The following CD302 variants were observed in gnomAD, a reference collection of about 807,000 sequenced individuals.
CD302 encodes CD302 antigen.
Under a neutral mutation model 26.5 loss-of-function variants are expected in CD302, and 23 were observed. That is an observed-to-expected ratio of 0.87 (90% CI 0.62 to 1.23). The LOEUF is 1.23. Ranked by LOEUF, CD302 falls within the 50% of genes most tolerant of loss-of-function variation. The probability of loss-of-function intolerance (pLI) is 0.00; values close to 1 mark genes in which losing one functional copy is unlikely to be tolerated. For missense variants in CD302, 290 were observed against 275.5 expected (o/e 1.05, Z -0.37); for synonymous variants, 90 against 99.4 (o/e 0.91, Z 0.56).
In CD302 at chr2:159,770,965, A is replaced by AAATG. The variant is rs1708128607; in HGVS notation, c.*882_*885dup. 1 of 152,202 alleles carries AAATG rather than the reference A, an allele frequency of 6.6e-6. No homozygotes were observed. The highest frequency in any genetic ancestry group is 2.4e-5 in the African/African-American group (1 of 41,464). The allele number at this position is 152,202 out of a possible 1,614,324, so 9.4% of individuals were successfully genotyped here. ...CAGCTTTTTCATTTTTTTACTCCCC[A>AAATG]AATGATTTTCACCTTTTTCTTAAAA... On this transcript the variant is annotated 3_prime_UTR_variant, in exon 6 of 6. Coordinates refer to ENST00000259053, the MANE Select transcript of CD302 (RefSeq NM_014880.5).
Position 159,776,012 on chromosome 2 carries a change from C to CTTTTTTTTTTTTTTTTTTTTT in CD302, c.496+1925_496+1926insAAAAAAAAAAAAAAAAAAAAA, listed in dbSNP as rs71406197. Among the ~76,000 whole-genome samples the CTTTTTTTTTTTTTTTTTTTTT allele has an allele frequency of 6.2e-5, 5 of 81,248 alleles. 1 individual carries two copies. The highest frequency in any genetic ancestry group is 7.2e-4 in the East Asian group (2 of 2,796). The allele number at this position is 81,248 out of a possible 152,430, so 53.3% of individuals were successfully genotyped here. ...TGCAGCCTCTGCCTCCGGGTTTCAA[C>CTTTTTTTTTTTTTTTTTTTTT]TTTTTTTTTTTTTTTTTTAAAGTAG... On this transcript the variant is annotated intron_variant, in intron 5 of 5. Coordinates refer to ENST00000259053, the MANE Select transcript of CD302 (RefSeq NM_014880.5).
At chr2:159,776,916 C>G (rs1223113426) in intron 5 of CD302, among the ~76,000 whole-genome samples, 1 of 152,058 alleles carries the variant, frequency 6.6e-6, no homozygotes, top group Non-Finnish European at 1.5e-5. Context: ...TTTAAAGAAA[C>G]AAAATTTGTT....
chr2:159,771,926 T>C lies in CD302; in HGVS notation c.624A>G (p.Ala208=), dbSNP rs1708159060. ...DSRFTTVFST[A]PQSPYNEDCV... is the part of the protein sequence containing the mutation. ...AGTCTTCATTATAAGGTGATTGGGG[T>C]GCGGTTGAAAAAACTGTGGTGAAAC... Residue 208 remains alanine, a synonymous_variant, in exon 6 of 6, where the codon GCA becomes GCG. Transcript: ENST00000259053. The C allele has an allele frequency of 4.3e-6, 7 of 1,613,964 alleles. No homozygotes were observed. Among genetic ancestry groups the C allele is most frequent in the East Asian group, 4.5e-5 (2 of 44,848 alleles).
intron 1 of CD302, among the ~76,000 whole-genome samples, chr2:159,784,724 C>G (rs971715288): frequency 6.6e-6 from 1 of 152,004 alleles, no homozygotes; most frequent in Non-Finnish European, 1.5e-5. Context: ...CAGAATTTAC[C>G]AATCAGCTAC....
chr2:159,797,280 A>G (rs908198702), intron 1 of CD302, among the ~76,000 whole-genome samples: 2 of 151,810 alleles, frequency 1.3e-5, no homozygotes, highest in Non-Finnish European at 2.9e-5. Flanking sequence ...TTAAGCCCAC[A>G]CAAGTACTCA....
chr2:159,772,049 G>T lies in CD302; in HGVS notation c.501C>A (p.Asn167Lys). ...TCACCAATGCTGATATTAAAATGTG[G>T]TTATCTGAAAAGGAAAAGACAAAAG... ...IPYKRKYLSD[N>K]HILISALVIA... Residue 167 changes from asparagine to lysine, a missense_variant, in exon 6 of 6, where the codon AAC becomes AAA. Physicochemically the swap from Asn to Lys is moderately conservative, Grantham distance 94 (BLOSUM62 0). Transcript: ENST00000259053. 6.2e-7 allele frequency: 1 copy of T among 1,613,694 alleles called. No homozygotes were observed. The highest frequency in any genetic ancestry group is 1.7e-5 in the Admixed American group (1 of 60,000).
chr2:159,793,141 T>C (rs1156353590), intron 1 of CD302, among the ~76,000 whole-genome samples: 5 of 152,230 alleles, frequency 3.3e-5, no homozygotes, highest in Non-Finnish European at 7.3e-5. Flanking sequence ...ATTACTCTTA[T>C]TTCTTCACAG....
chr2:159,775,016 A>G (rs1708267815), intron 5 of CD302, among the ~76,000 whole-genome samples: 2 of 152,146 alleles, frequency 1.3e-5, no homozygotes, highest in East Asian at 3.9e-4. Flanking sequence ...GGCCTTATTA[A>G]ATGAGGCCTT....
chr2:159,779,872 G>A (rs1708455332), intron 4 of CD302, 133 bp downstream of exon 4: 3 of 1,035,788 alleles, frequency 2.9e-6, no homozygotes, highest in Non-Finnish European at 4.0e-6. Context: ...CATAATGCTG[G>A]GATTGCAGGC....
rs1708386827 is a variant in CD302, at chr2:159,777,918, A to C, written c.496+20T>G. Reference sequence around the variant, plus strand: ...TATTTTTAATTGTGGGAAAAATTTAAAGACCAAATCATTACTTACCTGATA... The same window carrying C: ...TATTTTTAATTGTGGGAAAAATTTACAGACCAAATCATTACTTACCTGATA... On this transcript the variant is annotated intron_variant, in intron 5 of 5. Transcript: ENST00000259053. The C allele has an allele frequency of 9.8e-7, 1 of 1,019,940 alleles. No individual in the cohort carries two copies. Among genetic ancestry groups the C allele is most frequent in the African/African-American group, 1.7e-5 (1 of 60,476 alleles). The allele number at this position is 1,019,940 out of a possible 1,614,324, so 63.2% of individuals were successfully genotyped here. A position where few individuals can be genotyped will look rare whatever the true frequency, so the allele number is the denominator to read the frequency against.
rs767269902 is a variant in CD302 at position 159,771,129 on chromosome 2, T to A, written c.*722A>T. On this transcript the variant is annotated 3_prime_UTR_variant, in exon 6 of 6. Transcript: ENST00000259053. ...TGCTTGAGGAGAATGAGATACATCT[T>A]GTATAGGGGAAAGTACAAAAGGTAT... The A allele has an allele frequency of 2.6e-5, 4 of 152,144 alleles. No homozygotes were observed. The highest frequency in any genetic ancestry group is 5.9e-5 in the Non-Finnish European group (4 of 68,006). 9.4% of individuals were successfully genotyped at this position (152,144 alleles called of 1,614,324 possible). A position where few individuals can be genotyped will look rare whatever the true frequency, so the allele number is the denominator to read the frequency against.
chr2:159,774,385 A>G (rs1708248013), intron 5 of CD302, among the ~76,000 whole-genome samples: 1 of 152,066 alleles, frequency 6.6e-6, no homozygotes, highest in African/African-American at 2.4e-5. Context: ...TCTGTTTCCT[A>G]TTTATCTATC....
In CD302 at chr2:159,790,505, C is replaced by G. The variant is rs991410827; in HGVS notation, c.68-7036G>C. ...GGCAGGTTTCTTCCCTCCTTCCCCT[C>G]TCTGCTGCCAGAGACATGACAGAGG... On this transcript the variant is annotated intron_variant, in intron 1 of 5. Transcript: ENST00000259053. Among the ~76,000 whole-genome samples, 4 of 152,328 alleles carry G rather than the reference C, an allele frequency of 2.6e-5. No homozygotes were observed. The South Asian group carries it at 8.3e-4, about 32-fold the overall frequency.
At chr2:159,797,970 G>A (rs1682514833) in intron 1 of CD302, among the ~76,000 whole-genome samples, 162 bp downstream of exon 1, 1 of 152,210 alleles carries the variant, frequency 6.6e-6, no homozygotes, top group Non-Finnish European at 1.5e-5. Context: ...GTGACCCGGA[G>A]CCAGGACCCA....
At chr2:159,777,609 A>G (rs866835220) in intron 5 of CD302, among the ~76,000 whole-genome samples, 3 of 152,230 alleles carry the variant, frequency 2.0e-5, no homozygotes, top group South Asian at 2.1e-4. Context: ...ACTAGAAGTG[A>G]TCCAAATATC....
chr2:159,790,614 C>T (rs1708781930), intron 1 of CD302, among the ~76,000 whole-genome samples: 1 of 152,138 alleles, frequency 6.6e-6, no homozygotes, highest in Non-Finnish European at 1.5e-5. Flanking sequence ...ATTATTCTTT[C>T]TCTTCTTTTT....
At chr2:159,794,549 TATTC>T (rs1439991907) in intron 1 of CD302, among the ~76,000 whole-genome samples, 290 of 111,526 alleles carry the variant, frequency 2.6e-3, no homozygotes, top group African/African-American at 9.5e-3. Context: ...TTTATTTATT[TATTC>T]ATTTATTTAT....
chr2:159,774,837 G>GA, intron 5 of CD302, among the ~76,000 whole-genome samples: 1 of 152,186 alleles, frequency 6.6e-6, no homozygotes, highest in South Asian at 2.1e-4. Context: ...GTATGAAGGG[G>GA]AACTCCCTGT....
Position 159,769,596 on chromosome 2 carries a change from A to T in CD302, c.*2255T>A, listed in dbSNP as rs909816479. 1.2e-4 allele frequency: 19 copies of T among 152,250 alleles called. No homozygotes were observed. The highest frequency in any genetic ancestry group is 1.2e-3 in the Admixed American group (18 of 15,280). The allele number at this position is 152,250 out of a possible 1,614,324, so 9.4% of individuals were successfully genotyped here. ...GCAAGGCGGAGATTGGAGAGAGCCA[A>T]GATCGAGCCACTGCACTGTAGCCTG... is the stretch of plus-strand genomic sequence containing the variant. On this transcript the variant is annotated 3_prime_UTR_variant, in exon 6 of 6. Coordinates refer to ENST00000259053, the MANE Select transcript of CD302 (RefSeq NM_014880.5).
Sources: gnomAD v4.1 joint callset for allele counts (sites outside exome capture counted in the v4.1 genomes callset) on GRCh38, gnomAD v4.1.1 for gene constraint, MANE v1.5 for transcripts, NCBI Gene and HGNC (gene_info 2026-07-23, HGNC 2026-07-21) for gene names.